Variants in OTOGL observed in about 807,000 individuals in gnomAD.
OTOGL encodes otogelin-like protein.
Under a neutral mutation model 318.5 loss-of-function variants are expected in OTOGL, and 285 were observed. The observed-to-expected ratio is 0.89, with a 90% CI of 0.81 to 0.99. OTOGL has a LOEUF of 0.99. OTOGL is among the 50% of genes least tolerant of loss of function. The pLI, the probability that OTOGL is intolerant of heterozygous loss-of-function variation, is 0.00. For synonymous variants in OTOGL, 987 were observed against 936.5 expected (o/e 1.05, Z -0.99); for missense variants, 2,899 against 2,845.6 (o/e 1.02, Z -0.43).
At chr12:80,346,464 A>C (rs565137268) in intron 44 of OTOGL, among the ~76,000 whole-genome samples, 41 of 152,316 alleles carry the variant, frequency 2.7e-4, no homozygotes, top group Non-Finnish European at 5.6e-4. Context: ...TAGGCTAGGC[A>C]GGTATAGTAA....
chr12:80,331,369 C>T (rs1351255272), intron 37 of OTOGL, among the ~76,000 whole-genome samples: 1 of 102,416 alleles, frequency 9.8e-6, no homozygotes, highest in African/African-American at 3.8e-5. Flanking sequence ...GAGGTGGAGT[C>T]TTGCTCTGTC....
intron 46 of OTOGL, among the ~76,000 whole-genome samples, chr12:80,354,587 C>T (rs966632880): frequency 7.2e-5 from 11 of 151,966 alleles, no homozygotes; most frequent in South Asian, 6.2e-4. Flanking sequence ...CTCTTCATTA[C>T]GATCAAAAGA....
chr12:80,300,389 G>C (rs1885681502), intron 27 of OTOGL, among the ~76,000 whole-genome samples: 1 of 152,020 alleles, frequency 6.6e-6, no homozygotes, highest in African/African-American at 2.4e-5. Flanking sequence ...CGTAGCAGTG[G>C]TCTCTGGGTG....
intron 7 of OTOGL, among the ~76,000 whole-genome samples, chr12:80,223,542 C>T: frequency 6.6e-6 from 1 of 151,964 alleles, no homozygotes; most frequent in East Asian, 1.9e-4. Context: ...TTTAAATTAC[C>T]AACAACCGTG....
At position 80,323,786 on chromosome 12, in the gene OTOGL, C is replaced by G. The variant is rs762441417; in HGVS notation, c.4145C>G (p.Pro1382Arg). The G allele has an allele frequency of 6.2e-7, 1 of 1,613,808 alleles. No individual in the cohort carries two copies. Among genetic ancestry groups the G allele is most frequent in the Non-Finnish European group, 8.5e-7 (1 of 1,179,746 alleles). The change falls in exon 35 of 59, where the codon CCC (proline) becomes CGC (arginine). Residue 1382 changes from proline to arginine, a missense_variant. Pro to Arg is a moderately radical substitution (Grantham distance 103). Coordinates refer to ENST00000547103, the MANE Select transcript of OTOGL (RefSeq NM_001378609.3). ...TGGAGATATGAACCTTGTGCTACAC[C>G]CTGTTTTAAAACATGTAGTGACCCT... ...CEWRYEPCAT[P>R]CFKTCSDPEA...
intron 1 of OTOGL, among the ~76,000 whole-genome samples, chr12:80,100,755 GA>G (rs1869089932): frequency 6.6e-6 from 1 of 152,134 alleles, no homozygotes; most frequent in Non-Finnish European, 1.5e-5. Flanking sequence ...TGCAAAGGAA[GA>G]ATGATTCAGA....
At chr12:80,111,011 CT>C (rs1372812154) in intron 1 of OTOGL, among the ~76,000 whole-genome samples, 2 of 152,166 alleles carry the variant, frequency 1.3e-5, no homozygotes, top group African/African-American at 4.8e-5. Context: ...TGATGATGAG[CT>C]TTTTTTCATA....
At position 80,336,450 on chromosome 12, in the gene OTOGL, A is replaced by G. The variant is rs2137913574; in HGVS notation, c.4638A>G (p.Thr1546=). ...TGTTGTCAGAACTGAGCATTATTAC[A>G]TTTGATGGAAACAACGCAGCATTAT... ...CSMLSELSII[T]FDGNNAALYS... Residue 1546 remains threonine (T), a synonymous_variant, in exon 40 of 59, where the codon ACA becomes ACG. Coordinates refer to ENST00000547103, the MANE Select transcript of OTOGL (RefSeq NM_001378609.3). 1 of 1,609,578 alleles carries G rather than the reference A, an allele frequency of 6.2e-7. No homozygotes were observed. Among genetic ancestry groups the G allele is most frequent in the South Asian group, 1.1e-5 (1 of 90,500 alleles).
chr12:80,278,353 AGACT>A, intron 25 of OTOGL, 78 bp downstream of exon 25: 2 of 1,172,280 alleles, frequency 1.7e-6, no homozygotes, highest in Admixed American at 4.4e-5. Flanking sequence ...TTATTTAATG[AGACT>A]GACATCAGCA....
intron 26 of OTOGL, among the ~76,000 whole-genome samples, chr12:80,292,216 G>C (rs780495013): frequency 6.6e-6 from 1 of 152,102 alleles, no homozygotes; most frequent in Non-Finnish European, 1.5e-5. Context: ...TTGAATTCCT[G>C]ACCTCAGGAG....
At chr12:80,368,640 G>T (rs1306955249) in intron 55 of OTOGL, among the ~76,000 whole-genome samples, 1 of 152,020 alleles carries the variant, frequency 6.6e-6, no homozygotes, top group African/African-American at 2.4e-5. Flanking sequence ...TTTGATTTCA[G>T]ATAAATTAGA....
intron 1 of OTOGL, among the ~76,000 whole-genome samples, chr12:80,177,507 G>T (rs1223981678): frequency 1.3e-5 from 2 of 152,018 alleles, no homozygotes; most frequent in Non-Finnish European, 2.9e-5. Context: ...CTGTGTGAAT[G>T]ATTTTAACTT....
chr12:80,107,274 G>A (rs974827462), intron 1 of OTOGL, among the ~76,000 whole-genome samples: 11 of 152,002 alleles, frequency 7.2e-5, no homozygotes, highest in Admixed American at 2.0e-4. Flanking sequence ...AGGACATAAC[G>A]GACATTTTTC....
intron 1 of OTOGL, among the ~76,000 whole-genome samples, chr12:80,168,594 A>G (rs1458001851): frequency 2.0e-5 from 3 of 152,190 alleles, no homozygotes; most frequent in Non-Finnish European, 4.4e-5. Flanking sequence ...AGGCTGTAAT[A>G]AGTTTGTCCT....
At chr12:80,341,829 A>G in intron 43 of OTOGL, 119 bp from the exon 44 acceptor site, 1 of 707,680 alleles carries the variant, frequency 1.4e-6, no homozygotes, top group South Asian at 2.0e-5. Context: ...GGATACATAA[A>G]CTTGGTACCT....
intron 26 of OTOGL, among the ~76,000 whole-genome samples, chr12:80,280,685 G>T (rs1281098575): frequency 6.6e-6 from 1 of 151,648 alleles, no homozygotes; most frequent in Non-Finnish European, 1.5e-5. Context: ...TGTTTTGGTT[G>T]TTGTAGTCTT....
At chr12:80,308,921 C>T (rs1375765371) in intron 29 of OTOGL, among the ~76,000 whole-genome samples, 1 of 151,994 alleles carries the variant, frequency 6.6e-6, no homozygotes, top group African/African-American at 2.4e-5. Flanking sequence ...GCAGCAGTAC[C>T]GTCCAGCTTC....
In OTOGL at chr12:80,256,452, A is replaced by G. The variant is rs1479489057; in HGVS notation, c.1703A>G (p.Asn568Ser). Residue 568 changes from asparagine (N) to serine (S), a missense_variant, in exon 17 of 59, where the codon AAC becomes AGC. This residue lies in a region of OTOGL where 2,607 missense variants were observed against 2,524.9 expected (regional missense o/e 1.03). Coordinates refer to ENST00000547103, the MANE Select transcript of OTOGL (RefSeq NM_001378609.3). ...QILTSPNQGF[N>S]LNGIVEIQTL... is the part of the protein sequence containing the mutation. ...CTCACTAGTCCTAACCAAGGCTTCA[A>G]CCTGAATGGTAAGAAACAGTGCTAA... 1.9e-6 allele frequency: 3 copies of G among 1,580,350 alleles called. No individual in the cohort carries two copies. The highest frequency in any genetic ancestry group is 1.7e-6 in the Non-Finnish European group (2 of 1,169,590).
At chr12:80,239,582 G>A in intron 11 of OTOGL, 143 bp downstream of exon 11, 1 of 569,104 alleles carries the variant, frequency 1.8e-6, no homozygotes, top group Non-Finnish European at 2.9e-6. Context: ...GCTATTAAAA[G>A]TTTGCTATAT....
Sources: gnomAD v4.1 joint callset for allele counts (sites outside exome capture counted in the v4.1 genomes callset) on GRCh38, gnomAD v4.1.1 for gene constraint, gnomAD v4.1.1 regional missense constraint, MANE v1.5 for transcripts, NCBI Gene and HGNC (gene_info 2026-07-23, HGNC 2026-07-21) for gene names.